The following TRPM3 variants were observed in gnomAD, a reference collection of about 807,000 sequenced individuals.
The protein encoded by TRPM3 is transient receptor potential cation channel subfamily M member 3, also known as long transient receptor potential channel 3.
TRPM3 carries 77 observed loss-of-function variants against 181.2 expected under a neutral mutation model. The ratio of observed to expected loss-of-function variants is 0.42; its 90% CI spans 0.35 to 0.51. The LOEUF is 0.51. Ranked by LOEUF, TRPM3 falls within the 20% of genes least tolerant of loss-of-function variation. The probability of loss-of-function intolerance (pLI) is 0.01; values close to 1 mark genes in which losing one functional copy is unlikely to be tolerated. For missense variants in TRPM3, 1,759 were observed against 2,196.7 expected, an observed-to-expected ratio of 0.80 and a Z score of 3.98; for synonymous variants, 745 against 796.4, an observed-to-expected ratio of 0.94 and a Z score of 1.09.
intron 6 of TRPM3, among the ~76,000 whole-genome samples, chr9:70,784,530 C>T (rs370729269): frequency 3.3e-5 from 5 of 151,980 alleles, no homozygotes; most frequent in Middle Eastern, 3.2e-3. Flanking sequence ...AGTGAAGGCA[C>T]GGGGTTCCAT....
chr9:70,627,033 GTTGGGATCAAGTCTGGGTTTGGGT>G (rs961885608), intron 12 of TRPM3, among the ~76,000 whole-genome samples: 14 of 152,118 alleles, frequency 9.2e-5, no homozygotes, highest in Non-Finnish European at 1.6e-4. Context: ...AATTGATGTT[GTTGGGATCAAGTCTGGGTTTGGGT>G]TTTTGAGTAT....
intron 1 of TRPM3, among the ~76,000 whole-genome samples, chr9:71,192,792 G>T (rs2078112908): frequency 1.3e-5 from 2 of 151,580 alleles, no homozygotes; most frequent in Non-Finnish European, 2.9e-5. Context: ...TGCTTCTGTT[G>T]CTCATGCTTT....
At chr9:71,275,838 G>A (rs1215304748) in intron 1 of TRPM3, among the ~76,000 whole-genome samples, 1 of 134,058 alleles carries the variant, frequency 7.5e-6, no homozygotes, top group African/African-American at 2.9e-5. Flanking sequence ...AATGGAGAAA[G>A]AAGGAACTTT....
intron 1 of TRPM3, among the ~76,000 whole-genome samples, chr9:71,161,705 C>T (rs1002051110): frequency 1.9e-4 from 29 of 152,076 alleles, no homozygotes; most frequent in African/African-American, 6.7e-4. Flanking sequence ...TACTCAAACT[C>T]TAGAGAAAAA....
At chr9:70,601,322 G>T (rs891885844) in intron 20 of TRPM3, among the ~76,000 whole-genome samples, 2 of 152,166 alleles carry the variant, frequency 1.3e-5, no homozygotes, top group African/African-American at 4.8e-5. Context: ...CCGGGCAGAA[G>T]TATGTGGGGC....
chr9:71,155,918 G>T (rs778185726), intron 1 of TRPM3, among the ~76,000 whole-genome samples: 1 of 152,090 alleles, frequency 6.6e-6, no homozygotes, highest in Non-Finnish European at 1.5e-5. Context: ...ATCACCCAGG[G>T]AAAGTGTCAA....
chr9:71,412,582 A>G (rs1476911719), intron 1 of TRPM3, among the ~76,000 whole-genome samples: 1 of 152,214 alleles, frequency 6.6e-6, no homozygotes, highest in Non-Finnish European at 1.5e-5. Flanking sequence ...GGCAATCATT[A>G]AAAAGTCAGG....
rs566557385 is a variant in TRPM3, at chr9:70,781,121, C to T, written c.1148+2984G>A. ...TGGGAGGATCACGAGGTTAGGAGAT[C>T]GAGACCATCCTGGCTAACACAGTGA... is the stretch of plus-strand genomic sequence containing the variant. On this transcript the variant is annotated intron_variant, in intron 7 of 25. Transcript: ENST00000677713. Among the ~76,000 whole-genome samples the T allele has an allele frequency of 2.6e-5, 4 of 151,934 alleles. No individual in the cohort carries two copies. In the South Asian group the frequency reaches 8.3e-4, roughly 32 times the overall value.
intron 1 of TRPM3, among the ~76,000 whole-genome samples, chr9:71,073,067 C>T (rs1480887056): frequency 6.6e-6 from 1 of 152,170 alleles, no homozygotes; most frequent in African/African-American, 2.4e-5. Flanking sequence ...TTTCTGTGTT[C>T]ATTCCCCTTT....
chr9:71,441,079 G>A (rs910330498), intron 1 of TRPM3, among the ~76,000 whole-genome samples: 15 of 152,082 alleles, frequency 9.9e-5, no homozygotes, highest in Non-Finnish European at 1.6e-4. Context: ...TAACATATTC[G>A]TGGTCCTCAA....
At chr9:70,957,128 T>A (rs1452753767) in intron 1 of TRPM3, among the ~76,000 whole-genome samples, 2 of 151,456 alleles carry the variant, frequency 1.3e-5, no homozygotes, top group Non-Finnish European at 2.9e-5. Context: ...ACCTGGCTAA[T>A]TTTTTTTGTA....
intron 1 of TRPM3, among the ~76,000 whole-genome samples, chr9:71,225,112 T>C (rs776917321): frequency 7.2e-5 from 11 of 152,120 alleles, no homozygotes; most frequent in Non-Finnish European, 8.8e-5. Context: ...ATACACTCTA[T>C]ACAAGAGTGT....
At chr9:71,295,429 G>A (rs572837373) in intron 1 of TRPM3, among the ~76,000 whole-genome samples, 1 of 150,452 alleles carries the variant, frequency 6.6e-6, no homozygotes, top group African/African-American at 2.4e-5. Context: ...TCATAGGAGA[G>A]TAAATTAACT....
intron 1 of TRPM3, among the ~76,000 whole-genome samples, chr9:71,324,244 TAATTGGA>T (rs2089477627): frequency 6.6e-6 from 1 of 152,128 alleles, no homozygotes; most frequent in African/African-American, 2.4e-5. Context: ...TGATAAGTAA[TAATTGGA>T]AATTAGAAAA....
rs576142542 is a variant in TRPM3 at position 71,117,111 on chromosome 9, G to A, written c.177+4067C>T. On this transcript the variant is annotated intron_variant, in intron 1 of 25. Coordinates refer to ENST00000677713, the MANE Select transcript of TRPM3 (RefSeq NM_001366145.2). ...CCACCACAACTAGTCCATTTAGCAA[G>A]GCCCTGTTTATTTTACCTTCATTAC... Among the ~76,000 whole-genome samples, 82 of 152,242 alleles carry A rather than the reference G, an allele frequency of 5.4e-4. 1 individual carries two copies. Among genetic ancestry groups the A allele is most frequent in the African/African-American group, 1.5e-3 (64 of 41,548 alleles).
chr9:71,254,625 T>C (rs1046192121), intron 1 of TRPM3, among the ~76,000 whole-genome samples: 2 of 152,210 alleles, frequency 1.3e-5, no homozygotes, highest in African/African-American at 2.4e-5. Flanking sequence ...AAAAATTAAA[T>C]GATTTTTTAA....
intron 1 of TRPM3, among the ~76,000 whole-genome samples, chr9:71,078,263 G>T (rs1373936052): frequency 3.3e-5 from 5 of 151,962 alleles, no homozygotes; most frequent in African/African-American, 9.7e-5. Flanking sequence ...GACAGAGAAG[G>T]GTATCTTTGT....
At chr9:70,654,329 G>A (rs2059982760) in intron 9 of TRPM3, among the ~76,000 whole-genome samples, 2 of 152,142 alleles carry the variant, frequency 1.3e-5, no homozygotes, top group African/African-American at 2.4e-5. Flanking sequence ...CCTTGTGGAA[G>A]TGTCTGGTGC....
intron 1 of TRPM3, among the ~76,000 whole-genome samples, chr9:71,373,033 C>A (rs541428583): frequency 6.6e-6 from 1 of 151,940 alleles, no homozygotes; most frequent in Non-Finnish European, 1.5e-5. Flanking sequence ...CTTGGGTAAA[C>A]AAGGAAATTA....
Sources: gnomAD v4.1 joint callset for allele counts (sites outside exome capture counted in the v4.1 genomes callset) on GRCh38, gnomAD v4.1.1 for gene constraint, MANE v1.5 for transcripts, NCBI Gene and HGNC (gene_info 2026-07-23, HGNC 2026-07-21) for gene names.